The following CCDC7 variants were observed in gnomAD, a reference collection of about 807,000 sequenced individuals.
The protein encoded by CCDC7 is coiled-coil domain-containing protein 7.
CCDC7 carries 183 observed loss-of-function variants against 196.9 expected under a neutral mutation model. The ratio of observed to expected loss-of-function variants is 0.93; its 90% CI spans 0.82 to 1.05. CCDC7 has a LOEUF of 1.05. Ranked by LOEUF, CCDC7 falls within the 50% of genes least tolerant of loss-of-function variation. CCDC7 has a pLI of 0.00. For missense variants in CCDC7, 1,540 were observed against 1,482.2 expected, an observed-to-expected ratio of 1.04 and a Z score of -0.64; for synonymous variants, 525 against 484.6, an observed-to-expected ratio of 1.08 and a Z score of -1.10.
intron 28 of CCDC7, 87 bp from the exon 30 acceptor site, chr10:32,778,890 C>T: frequency 2.2e-6 from 2 of 909,682 alleles, no homozygotes; most frequent in Non-Finnish European, 3.4e-6. Flanking sequence ...AGAGATCTTT[C>T]ACCTTCTTGG....
intron 21 of CCDC7, among the ~76,000 whole-genome samples, chr10:32,684,241 T>C (rs942158916): frequency 6.6e-6 from 1 of 152,128 alleles, no homozygotes; most frequent in Non-Finnish European, 1.5e-5. Flanking sequence ...GATCCCTGCC[T>C]CCCTTCTTGG....
chr10:32,737,023 A>G (rs1268706803), intron 28 of CCDC7, among the ~76,000 whole-genome samples: 1 of 152,076 alleles, frequency 6.6e-6, no homozygotes, highest in Non-Finnish European at 1.5e-5. Flanking sequence ...GAAATTGAGG[A>G]AGTTTCCTAC....
At chr10:32,602,747 A>G (rs2061189668) in intron 18 of CCDC7, among the ~76,000 whole-genome samples, 1 of 152,198 alleles carries the variant, frequency 6.6e-6, no homozygotes, top group Non-Finnish European at 1.5e-5. Flanking sequence ...AAGTTGAGTA[A>G]CTTAATGTAG....
At chr10:32,741,344 T>G (rs533059143) in intron 28 of CCDC7, among the ~76,000 whole-genome samples, 1 of 151,122 alleles carries the variant, frequency 6.6e-6, no homozygotes, top group African/African-American at 2.4e-5. Context: ...ATTATGCACA[T>G]TGCTGGAATC....
intron 15 of CCDC7, among the ~76,000 whole-genome samples, chr10:32,568,927 G>A (rs1444877168): frequency 6.6e-6 from 1 of 152,210 alleles, no homozygotes; most frequent in East Asian, 1.9e-4. Flanking sequence ...CTATATGGCT[G>A]CATTTGAAAC....
Position 32,473,957 on chromosome 10 carries a change from T to C in CCDC7, c.740-10T>C. The C allele has an allele frequency of 6.2e-7, 1 of 1,603,174 alleles. No homozygotes were observed. The highest frequency in any genetic ancestry group is 8.5e-7 in the Non-Finnish European group (1 of 1,175,652). ...TGAAGTTTATAGTGACAAATACACT[T>C]TTACTTCAGAATTCTTAGAAGCCCA... is the stretch of plus-strand genomic sequence containing the variant. On this transcript the variant is annotated splice_polypyrimidine_tract_variant and intron_variant, in intron 7 of 41. Transcript: ENST00000639629.
intron 25 of CCDC7, among the ~76,000 whole-genome samples, chr10:32,723,171 C>G (rs1196158525): frequency 6.6e-6 from 1 of 152,132 alleles, no homozygotes; most frequent in Non-Finnish European, 1.5e-5. Flanking sequence ...AGAACCCACA[C>G]TTAAGTAACT....
intron 18 of CCDC7, among the ~76,000 whole-genome samples, chr10:32,622,337 T>A (rs1160439752): frequency 6.6e-6 from 1 of 152,088 alleles, no homozygotes; most frequent in Non-Finnish European, 1.5e-5. Flanking sequence ...TGAGATTTAA[T>A]GAAGAATTAT....
intron 5 of CCDC7, among the ~76,000 whole-genome samples, chr10:32,467,748 A>C (rs1257586520): frequency 2.0e-5 from 3 of 152,006 alleles, no homozygotes; most frequent in African/African-American, 7.3e-5. Context: ...ATTCATCTTG[A>C]GTTAATTTTT....
At chr10:32,826,444 T>G (rs990565758) in intron 32 of CCDC7, among the ~76,000 whole-genome samples, 3 of 152,208 alleles carry the variant, frequency 2.0e-5, no homozygotes, top group African/African-American at 7.2e-5. Flanking sequence ...CTGCCTATCA[T>G]GAACTGGGTG....
intron 20 of CCDC7, 39 bp downstream of exon 21, chr10:32,635,197 A>C: frequency 2.5e-6 from 1 of 397,106 alleles, no homozygotes; most frequent in Non-Finnish European, 4.4e-6. Flanking sequence ...ATTATTTTCA[A>C]TTATATTAAA....
chr10:32,542,977 T>G (rs12242792), intron 11 of CCDC7, among the ~76,000 whole-genome samples: 15,970 of 152,186 alleles, frequency 0.1, 1,047 homozygotes, highest in South Asian at 0.25. Context: ...CCATACATCC[T>G]ACAGGTTTTA....
At chr10:32,670,457 T>C (rs2073831687) in intron 21 of CCDC7, among the ~76,000 whole-genome samples, 1 of 151,890 alleles carries the variant, frequency 6.6e-6, no homozygotes, top group African/African-American at 2.4e-5. Context: ...TAGTTACATA[T>C]GTATACATGT....
chr10:32,619,562 G>C (rs1222029719), intron 18 of CCDC7, among the ~76,000 whole-genome samples: 5 of 152,064 alleles, frequency 3.3e-5, no homozygotes, highest in Non-Finnish European at 7.4e-5. Context: ...CAAGAATAAT[G>C]AGGAGTAATT....
Position 32,760,591 on chromosome 10 carries a change from G to C in CCDC7, c.2906-18386G>C, listed in dbSNP as rs192951494. On this transcript the variant is annotated intron_variant, in intron 28 of 41. Coordinates refer to ENST00000639629, the Ensembl canonical transcript of CCDC7. ...AGGGGAACATCACACACTGGGGCCT[G>C]TTGTGGGGTGGGAGGATGAGGGAGG... is the stretch of plus-strand genomic sequence containing the variant. Among the ~76,000 whole-genome samples, 230 of 152,180 alleles carry C rather than the reference G, an allele frequency of 1.5e-3. 1 individual carries two copies. Among genetic ancestry groups the C allele is most frequent in the African/African-American group, 4.9e-3 (205 of 41,516 alleles).
In CCDC7 at chr10:32,783,658, T is replaced by C. The variant is rs74594326; in HGVS notation, c.3013+4574T>C. 5.0e-3 allele frequency among the ~76,000 whole-genome samples: 764 copies of C among 152,336 alleles called. 8 individuals are homozygous for C. Among genetic ancestry groups the C allele is most frequent in the African/African-American group, 0.017 (691 of 41,580 alleles). On this transcript the variant is annotated intron_variant, in intron 29 of 41. Transcript: ENST00000639629. ...ATCTATTTACTTCAAGGTGTAGGTG[T>C]AGACCCAAAAGAATTGAAAACAGGT...
chr10:32,484,144 C>T lies in CCDC7; in HGVS notation c.797-7778C>T, dbSNP rs1418253058. Among the ~76,000 whole-genome samples the T allele has an allele frequency of 7.9e-5, 12 of 152,284 alleles. No homozygotes were observed. In the East Asian group the frequency reaches 1.9e-3, roughly 24 times the overall value. ...TATCCATGAGCATGGAACGTTCTTCCATTTATTTGTGTCCTCTTTTATTTC... is the reference window on the plus strand; with the variant it reads ...TATCCATGAGCATGGAACGTTCTTCTATTTATTTGTGTCCTCTTTTATTTC... On this transcript the variant is annotated intron_variant, in intron 8 of 41. Coordinates refer to ENST00000639629, the Ensembl canonical transcript of CCDC7.
chr10:32,620,500 C>T lies in CCDC7; in HGVS notation c.1802-13754C>T, dbSNP rs576671167. On this transcript the variant is annotated intron_variant, in intron 18 of 41. Coordinates refer to ENST00000639629, the Ensembl canonical transcript of CCDC7. Reference sequence around the variant, plus strand: ...TTTTTCTGTTTTATAGTTACCCTCACATTGGATTTTTTTTTTGTGGGTAAT... The same window carrying T: ...TTTTTCTGTTTTATAGTTACCCTCATATTGGATTTTTTTTTTGTGGGTAAT... Among the ~76,000 whole-genome samples the T allele has an allele frequency of 4.6e-5, 7 of 151,558 alleles. No homozygotes were observed. In the South Asian group the frequency reaches 1.5e-3, roughly 31 times the overall value.
At chr10:32,877,632 G>C (rs992982728), downstream of CCDC7, among the ~76,000 whole-genome samples, 4 of 151,986 alleles carry the variant, frequency 2.6e-5, no homozygotes, top group Admixed American at 1.3e-4. Flanking sequence ...GTTAAGTCTG[G>C]GATTCAGCAG....
Sources: gnomAD v4.1 joint callset for allele counts (sites outside exome capture counted in the v4.1 genomes callset) on GRCh38, gnomAD v4.1.1 for gene constraint, MANE v1.5 for transcripts, NCBI Gene and HGNC (gene_info 2026-07-23, HGNC 2026-07-21) for gene names.